The following TMEM132B variants were observed in gnomAD, a reference collection of about 807,000 sequenced individuals.
The protein encoded by TMEM132B is transmembrane protein 132B.
TMEM132B carries 18 observed loss-of-function variants against 90.8 expected under a neutral mutation model. That is an observed-to-expected ratio of 0.20 (90% CI 0.14 to 0.29). TMEM132B has a LOEUF of 0.29. TMEM132B is among the 10% of genes least tolerant of loss of function. The pLI is 1.00. For synonymous variants in TMEM132B, 504 were observed against 523.3 expected (o/e 0.96, Z 0.50); for missense variants, 1,096 against 1,326.8 (o/e 0.83, Z 2.70).
rs532565002 is a variant in TMEM132B, at chr12:125,519,164, C to T, written c.1107-275C>T. ...GGAGGGGAGAGCTGTGCGTGGCATG[C>T]GAAGAGGTGAAATGCTGACCGAGTT... On this transcript the variant is annotated intron_variant, in intron 3 of 8. Transcript: ENST00000682704. Among the ~76,000 whole-genome samples, 380 of 152,174 alleles carry T rather than the reference C, an allele frequency of 2.5e-3. 1 individual carries two copies. Among genetic ancestry groups the T allele is most frequent in the African/African-American group, 8.4e-3 (350 of 41,502 alleles).
rs1413571119 is a variant in TMEM132B, at chr12:125,650,806, G to A, written c.1767G>A (p.Gly589=). ...TTGTGGCCGAGTCACCTGACTTAGG[G>A]CAGCTGACCTACATGCTGGGCCCCG... ...TQFVAESPDL[G]QLTYMLGPDW... is the part of the protein sequence containing the mutation. The change falls in exon 7 of 9, where the codon GGG becomes GGA. Residue 589 remains glycine (G), a synonymous_variant. Coordinates refer to ENST00000682704, the MANE Select transcript of TMEM132B (RefSeq NM_001366854.1). 1.2e-6 allele frequency: 2 copies of A among 1,614,218 alleles called. No homozygotes were observed. The highest frequency in any genetic ancestry group is 1.3e-5 in the African/African-American group (1 of 75,060).
At position 125,317,807 on chromosome 12, in the gene TMEM132B, A is replaced by G. The variant is rs376610360; in HGVS notation, c.68-31645A>G. ...GGAGCTCTCAGTGGTTCTCTTCATC[A>G]TCTTTCTCTGTAAGGGTGTTTTTTC... On this transcript the variant is annotated intron_variant, in intron 1 of 8. Coordinates refer to ENST00000682704, the MANE Select transcript of TMEM132B (RefSeq NM_001366854.1). 1.3e-4 allele frequency among the ~76,000 whole-genome samples: 20 copies of G among 152,262 alleles called. 1 individual carries two copies. In the South Asian group the frequency reaches 3.7e-3, roughly 28 times the overall value.
intron 2 of TMEM132B, among the ~76,000 whole-genome samples, chr12:125,414,548 A>G (rs1879953802): frequency 6.6e-6 from 1 of 152,170 alleles, no homozygotes; most frequent in Non-Finnish European, 1.5e-5. Context: ...GTGGGTCCAC[A>G]GGCTTCTGGG....
chr12:125,503,721 G>A (rs1217704965), intron 3 of TMEM132B, among the ~76,000 whole-genome samples: 1 of 152,220 alleles, frequency 6.6e-6, no homozygotes, highest in Non-Finnish European at 1.5e-5. Context: ...TAGATGAGCA[G>A]TCTTGTGAGA....
intron 5 of TMEM132B, among the ~76,000 whole-genome samples, chr12:125,606,342 C>T (rs995176983): frequency 1.4e-5 from 2 of 142,288 alleles, no homozygotes; most frequent in Non-Finnish European, 3.0e-5. Flanking sequence ...GCTCATGCGA[C>T]AGGGAAAGAT....
chr12:125,630,128 G>A (rs925292892), intron 5 of TMEM132B, among the ~76,000 whole-genome samples: 3 of 152,038 alleles, frequency 2.0e-5, no homozygotes, highest in Admixed American at 2.0e-4. Context: ...CCTGGTTTTG[G>A]TATCAGGGAA....
At chr12:125,462,028 A>G (rs1881451004) in intron 3 of TMEM132B, among the ~76,000 whole-genome samples, 1 of 152,198 alleles carries the variant, frequency 6.6e-6, no homozygotes, top group Admixed American at 6.5e-5. Context: ...TGATTCATGG[A>G]ATATGCTGAT....
chr12:125,568,924 GC>G (rs1884724524), intron 4 of TMEM132B, among the ~76,000 whole-genome samples: 1 of 152,186 alleles, frequency 6.6e-6, no homozygotes, highest in Non-Finnish European at 1.5e-5. Flanking sequence ...GATGACCACA[GC>G]AATTGTATCC....
intron 1 of TMEM132B, among the ~76,000 whole-genome samples, chr12:125,295,561 A>T (rs1160472389): frequency 6.6e-6 from 1 of 152,138 alleles, no homozygotes; most frequent in Admixed American, 6.5e-5. Flanking sequence ...AGAGACAGAG[A>T]CAGAGACAGA....
chr12:125,414,588 C>G (rs1354034809), intron 2 of TMEM132B, among the ~76,000 whole-genome samples: 1 of 152,160 alleles, frequency 6.6e-6, no homozygotes, highest in Non-Finnish European at 1.5e-5. Flanking sequence ...ACCTTCCCAG[C>G]CCAGCCTGCA....
chr12:125,532,979 A>G (rs1246116703), intron 4 of TMEM132B, among the ~76,000 whole-genome samples: 1 of 152,200 alleles, frequency 6.6e-6, no homozygotes, highest in Non-Finnish European at 1.5e-5. Flanking sequence ...TATGTTTGGT[A>G]AACCAGAGTT....
chr12:125,584,776 C>G (rs1008185210), intron 5 of TMEM132B: 17 of 152,154 alleles, frequency 1.1e-4, no homozygotes, highest in Non-Finnish European at 5.9e-5. Flanking sequence ...ATATTTCTGC[C>G]TATTTTTTCT....
At chr12:125,623,397 A>C (rs1037506422) in intron 5 of TMEM132B, among the ~76,000 whole-genome samples, 10 of 152,124 alleles carry the variant, frequency 6.6e-5, no homozygotes, top group African/African-American at 2.4e-4. Context: ...ACCTTGTTCC[A>C]TGTGGTTTGG....
chr12:125,424,628 G>A (rs55845049), intron 3 of TMEM132B, among the ~76,000 whole-genome samples: 19,449 of 152,196 alleles, frequency 0.13, 1,305 homozygotes, highest in African/African-American at 0.14. Flanking sequence ...GATGGAGCAG[G>A]CCTAGCGGAA....
At chr12:125,345,839 T>C (rs370900774) in intron 1 of TMEM132B, among the ~76,000 whole-genome samples, 1 of 152,132 alleles carries the variant, frequency 6.6e-6, no homozygotes, top group South Asian at 2.1e-4. Flanking sequence ...GCAGACTGAA[T>C]AGGGCCTCAT....
intron 3 of TMEM132B, among the ~76,000 whole-genome samples, chr12:125,426,576 G>A (rs893846737): frequency 1.3e-5 from 2 of 152,194 alleles, no homozygotes; most frequent in Non-Finnish European, 1.5e-5. Context: ...GGTTCTCACT[G>A]GCTGAGGGCT....
At chr12:125,638,180 C>A (rs1054391136) in intron 5 of TMEM132B, among the ~76,000 whole-genome samples, 2 of 152,288 alleles carry the variant, frequency 1.3e-5, no homozygotes, top group East Asian at 3.9e-4. Context: ...ACATGCTCTG[C>A]CTTTCACCAG....
At chr12:125,241,050 C>T (rs192334568) in intron 1 of TMEM132B, among the ~76,000 whole-genome samples, 28 of 152,254 alleles carry the variant, frequency 1.8e-4, no homozygotes, top group African/African-American at 5.5e-4. Context: ...CATTTCGTGC[C>T]ACGGGTCCTT....
chr12:125,473,529 A>C (rs1881776260), intron 3 of TMEM132B, among the ~76,000 whole-genome samples: 1 of 152,216 alleles, frequency 6.6e-6, no homozygotes, highest in Non-Finnish European at 1.5e-5. Flanking sequence ...CAGTGACTTA[A>C]TTAATGAATC....
Sources: gnomAD v4.1 joint callset for allele counts (sites outside exome capture counted in the v4.1 genomes callset) on GRCh38, gnomAD v4.1.1 for gene constraint, MANE v1.5 for transcripts, NCBI Gene and HGNC (gene_info 2026-07-23, HGNC 2026-07-21) for gene names.